INPP4B: variants seen among roughly 807,000 people sequenced by gnomAD.
INPP4B encodes the protein inositol polyphosphate-4-phosphatase type II B, also known as inositol polyphosphate 4-phosphatase type II.
A neutral mutation model predicts 122.5 loss-of-function variants in INPP4B; 55 were observed. The observed-to-expected ratio is 0.45, with a 90% CI of 0.36 to 0.56. The LOEUF is 0.56. Ranked by LOEUF, INPP4B falls within the 20% of genes least tolerant of loss-of-function variation. The pLI, the probability that INPP4B is intolerant of heterozygous loss-of-function variation, is 0.00. For synonymous variants in INPP4B, 403 were observed against 388.7 expected (o/e 1.04, Z -0.43); for missense variants, 1,000 against 1,097.7 (o/e 0.91, Z 1.26).
At chr4:142,374,467 G>A (rs188428451) in intron 7 of INPP4B, among the ~76,000 whole-genome samples, 2 of 151,896 alleles carry the variant, frequency 1.3e-5, no homozygotes, top group African/African-American at 4.8e-5. Context: ...AAGTGGGAGA[G>A]AGCTTTCCAT....
intron 2 of INPP4B, among the ~76,000 whole-genome samples, chr4:142,558,121 T>C (rs1729616727): frequency 1.3e-5 from 2 of 152,174 alleles, no homozygotes; most frequent in South Asian, 4.1e-4. Context: ...AATTCTGTAC[T>C]GTACCTATCA....
chr4:142,545,754 C>A (rs1251560168), intron 2 of INPP4B, among the ~76,000 whole-genome samples: 1 of 77,996 alleles, frequency 1.3e-5, no homozygotes, highest in African/African-American at 4.1e-5. Context: ...TATATATATA[C>A]ACATGTATAT....
rs144380857 is a variant in INPP4B, at chr4:142,471,453, G to T, written c.-190-8727C>A. ...GTCAAGGAAACATCCCACCTTACAA[G>T]TTCACACATCACCAAGACGGATGCT... On this transcript the variant is annotated intron_variant, in intron 2 of 25. Coordinates refer to ENST00000262992, the MANE Select transcript of INPP4B (RefSeq NM_001101669.3). Among the ~76,000 whole-genome samples the T allele has an allele frequency of 8.2e-4, 125 of 152,294 alleles. 1 individual carries two copies. The East Asian group carries it at 0.017, about 21-fold the overall frequency.
chr4:142,781,467 A>G (rs1774808417), intron 1 of INPP4B, among the ~76,000 whole-genome samples: 1 of 152,192 alleles, frequency 6.6e-6, no homozygotes. Context: ...CACCCAGGGT[A>G]GTTCACTATG....
At chr4:142,831,198 A>C (rs1782091845) in intron 1 of INPP4B, among the ~76,000 whole-genome samples, 1 of 152,200 alleles carries the variant, frequency 6.6e-6, no homozygotes, top group Admixed American at 6.5e-5. Flanking sequence ...TAAATCGAGT[A>C]CTAAATTCCA....
intron 12 of INPP4B, among the ~76,000 whole-genome samples, chr4:142,223,443 C>A (rs1000047714): frequency 6.6e-6 from 1 of 152,168 alleles, no homozygotes; most frequent in African/African-American, 2.4e-5. Context: ...TTTCCATACA[C>A]TTTTCCCTCC....
At chr4:142,147,568 C>T (rs1343006729) in intron 17 of INPP4B, among the ~76,000 whole-genome samples, 2 of 152,138 alleles carry the variant, frequency 1.3e-5, no homozygotes, top group Admixed American at 1.3e-4. Context: ...CTCTAACTAC[C>T]TCACCAAGCT....
intron 2 of INPP4B, among the ~76,000 whole-genome samples, chr4:142,568,474 G>T (rs1217787634): frequency 4.6e-5 from 7 of 152,126 alleles, no homozygotes; most frequent in African/African-American, 9.7e-5. Context: ...ATAAGGAAAA[G>T]ATTTAGATAT....
At position 142,822,935 on chromosome 4, in the gene INPP4B, C is replaced by T. The variant is rs554052090; in HGVS notation, c.-254+23274G>A. On this transcript the variant is annotated intron_variant, in intron 1 of 25. Coordinates refer to ENST00000262992, the MANE Select transcript of INPP4B (RefSeq NM_001101669.3). ...TCATTCACTATACATGTTTCTCATG[C>T]GTTGGCTCCAGGACCTGCTCTGCAT... Among the ~76,000 whole-genome samples the T allele has an allele frequency of 5.3e-5, 8 of 152,302 alleles. No individual in the cohort carries two copies. In the East Asian group the frequency reaches 9.6e-4, roughly 18 times the overall value.
In INPP4B at chr4:142,796,868, A is replaced by ATGTGTGTGTGTGTG. The variant is rs34860975; in HGVS notation, c.-254+49327_-254+49340dup. On this transcript the variant is annotated intron_variant, in intron 1 of 25. Coordinates refer to ENST00000262992, the MANE Select transcript of INPP4B (RefSeq NM_001101669.3). ...TCACAGAAACTGATGCGGAAAACAG[A>ATGTGTGTGTGTGTG]TGTGTGTGTGTGTGTGTGTGTGTGT... Among the ~76,000 whole-genome samples, 190 of 105,378 alleles carry ATGTGTGTGTGTGTG rather than the reference A, an allele frequency of 1.8e-3. 2 individuals are homozygous for ATGTGTGTGTGTGTG. The highest frequency in any genetic ancestry group is 6.1e-3 in the African/African-American group (182 of 30,054). The allele number at this position is 105,378 out of a possible 152,430, so 69.1% of individuals were successfully genotyped here.
chr4:142,092,907 C>T (rs894502975), intron 23 of INPP4B, among the ~76,000 whole-genome samples: 2 of 152,144 alleles, frequency 1.3e-5, no homozygotes, highest in Non-Finnish European at 2.9e-5. Flanking sequence ...GTTCTACATT[C>T]TTCGACACTT....
chr4:142,629,895 G>A (rs1280376615), intron 2 of INPP4B, among the ~76,000 whole-genome samples: 1 of 152,070 alleles, frequency 6.6e-6, no homozygotes, highest in Non-Finnish European at 1.5e-5. Context: ...ACTGACCAGA[G>A]CAATGTGTCC....
chr4:142,693,296 G>A (rs183829110), intron 2 of INPP4B, among the ~76,000 whole-genome samples: 136 of 151,984 alleles, frequency 8.9e-4, no homozygotes, highest in African/African-American at 3.2e-3. Flanking sequence ...TTACTACAGG[G>A]TGCTCCTCTT....
At chr4:142,119,818 CACACACAT>C (rs1241980464) in intron 21 of INPP4B, among the ~76,000 whole-genome samples, 13 of 45,936 alleles carry the variant, frequency 2.8e-4, no homozygotes, top group South Asian at 3.2e-3. Context: ...CACACACACA[CACACACAT>C]ACACATATAT....
intron 2 of INPP4B, among the ~76,000 whole-genome samples, chr4:142,677,376 C>T (rs190581593): frequency 1.4e-4 from 22 of 152,164 alleles, no homozygotes; most frequent in Admixed American, 4.6e-4. Flanking sequence ...GAAATAGGAA[C>T]GCTTTTATAC....
intron 18 of INPP4B, among the ~76,000 whole-genome samples, chr4:142,142,276 A>C (rs1332222202): frequency 6.6e-6 from 1 of 152,126 alleles, no homozygotes; most frequent in Non-Finnish European, 1.5e-5. Context: ...TACAATGTCA[A>C]ACTTCACAGA....
intron 2 of INPP4B, among the ~76,000 whole-genome samples, chr4:142,489,242 T>A (rs915351884): frequency 6.6e-6 from 1 of 152,188 alleles, no homozygotes; most frequent in South Asian, 2.1e-4. Context: ...TGTCTATTTT[T>A]AAAAAATTAC....
intron 24 of INPP4B, among the ~76,000 whole-genome samples, chr4:142,083,106 A>C (rs1333447715): frequency 6.6e-6 from 1 of 151,950 alleles, no homozygotes; most frequent in East Asian, 1.9e-4. Flanking sequence ...TGTCTCAAAA[A>C]AAAAAAAAAC....
intron 7 of INPP4B, chr4:142,317,471 G>T: frequency 3.5e-6 from 1 of 286,288 alleles, no homozygotes; most frequent in South Asian, 4.2e-5. Flanking sequence ...GTAAATCAAT[G>T]AAACTGAGTA....
Sources: allele counts gnomAD v4.1 joint callset (sites outside exome capture counted in the v4.1 genomes callset), GRCh38; gene constraint gnomAD v4.1.1; transcripts MANE v1.5; gene names NCBI Gene and HGNC (gene_info 2026-07-23, HGNC 2026-07-21).